COL5A2: variants seen among roughly 807,000 people sequenced by gnomAD.
The protein encoded by COL5A2 is collagen type V alpha 2 chain.
COL5A2 carries 23 observed loss-of-function variants against 208.2 expected under a neutral mutation model. The observed-to-expected ratio is 0.11, with a 90% CI of 0.08 to 0.16. COL5A2 has a LOEUF of 0.16. Among genes scored for constraint, COL5A2 ranks in the 10% least tolerant of loss-of-function variants. The pLI, the probability that COL5A2 is intolerant of heterozygous loss-of-function variation, is 1.00. For missense variants in COL5A2, 1,590 were observed against 1,956.4 expected (o/e 0.81, Z 3.53); for synonymous variants, 625 against 628.5 (o/e 0.99, Z 0.08).
chr2:189,188,809 A>C (rs970605459), intron 1 of COL5A2, among the ~76,000 whole-genome samples: 7 of 152,234 alleles, frequency 4.6e-5, no homozygotes, highest in Admixed American at 4.6e-4. Flanking sequence ...GTTGACAATT[A>C]TGTGGCGACC....
chr2:189,413,931 A>G, the COL5A2 span, among the ~76,000 whole-genome samples: 1 of 151,514 alleles, frequency 6.6e-6, no homozygotes, highest in African/African-American at 2.4e-5. Flanking sequence ...AGCTGGGATT[A>G]CAGGCGCCCG....
upstream of COL5A2, among the ~76,000 whole-genome samples, chr2:189,180,764 A>G (rs920389745): frequency 2.6e-5 from 4 of 152,204 alleles, no homozygotes; most frequent in African/African-American, 9.7e-5. Context: ...AGGGAATATG[A>G]TAGCCCCAGT....
chr2:189,134,035 A>T (rs72908382), intron 1 of COL5A2, among the ~76,000 whole-genome samples: 22,716 of 151,978 alleles, frequency 0.15, 2,039 homozygotes, highest in Non-Finnish European at 0.2. Flanking sequence ...AAAGAAAAAA[A>T]TACTAAAAAT....
chr2:189,362,947 T>C, the COL5A2 span, among the ~76,000 whole-genome samples: 1 of 152,108 alleles, frequency 6.6e-6, no homozygotes, highest in Non-Finnish European at 1.5e-5. Flanking sequence ...TTGGATCAGC[T>C]ATATGCTAGT....
the COL5A2 span, among the ~76,000 whole-genome samples, chr2:189,301,296 C>A: frequency 2.6e-5 from 4 of 152,056 alleles, no homozygotes; most frequent in African/African-American, 4.8e-5. Flanking sequence ...TACACTGGAA[C>A]AACAATATGC....
At chr2:189,144,100 G>A (rs773280108) in intron 1 of COL5A2, among the ~76,000 whole-genome samples, 6 of 152,136 alleles carry the variant, frequency 3.9e-5, no homozygotes, top group African/African-American at 7.2e-5. Context: ...GGCAAGGGGT[G>A]TGGACATTCA....
chr2:189,355,639 T>C, the COL5A2 span, among the ~76,000 whole-genome samples: 1 of 152,214 alleles, frequency 6.6e-6, no homozygotes, highest in Non-Finnish European at 1.5e-5. Flanking sequence ...TTGTTAAATA[T>C]TCCTCCTTCC....
chr2:189,355,536 C>T, the COL5A2 span, among the ~76,000 whole-genome samples: 1 of 151,966 alleles, frequency 6.6e-6, no homozygotes. Context: ...TTATGTAATG[C>T]CCTTCTTTGT....
the COL5A2 span, among the ~76,000 whole-genome samples, chr2:189,289,415 C>T: frequency 6.6e-6 from 1 of 151,952 alleles, no homozygotes; most frequent in African/African-American, 2.4e-5. Context: ...ATGACAGGCT[C>T]ACTTCTAACA....
At chr2:189,241,354 T>A in the COL5A2 span, among the ~76,000 whole-genome samples, 1 of 152,206 alleles carries the variant, frequency 6.6e-6, no homozygotes, top group Non-Finnish European at 1.5e-5. Flanking sequence ...ACTGCACTTG[T>A]ACCCCCAGGA....
chr2:189,246,202 T>A, the COL5A2 span, among the ~76,000 whole-genome samples: 1 of 152,182 alleles, frequency 6.6e-6, no homozygotes. Flanking sequence ...CACCCAGAAT[T>A]ACAATCCAGA....
chr2:189,091,468 C>T (rs1686783153), intron 7 of COL5A2, among the ~76,000 whole-genome samples: 1 of 152,086 alleles, frequency 6.6e-6, no homozygotes, highest in Non-Finnish European at 1.5e-5. Flanking sequence ...TATTAGTCAG[C>T]AACTATCAGC....
At chr2:189,055,609 G>C (rs2105570921) in intron 35 of COL5A2, among the ~76,000 whole-genome samples, 1 of 152,246 alleles carries the variant, frequency 6.6e-6, no homozygotes. Context: ...TAAAGGATTT[G>C]ATGAAATATA....
At chr2:189,249,585 T>TA in the COL5A2 span, among the ~76,000 whole-genome samples, 1 of 152,228 alleles carries the variant, frequency 6.6e-6, no homozygotes, top group South Asian at 2.1e-4. Context: ...CTTGATTGAG[T>TA]AATCCTGCTT....
chr2:189,167,161 C>T (rs1486550424), intron 1 of COL5A2, among the ~76,000 whole-genome samples: 1 of 152,180 alleles, frequency 6.6e-6, no homozygotes. Flanking sequence ...TGCTCTTACT[C>T]CTAGGACTTT....
At chr2:189,399,911 G>C in the COL5A2 span, among the ~76,000 whole-genome samples, 1 of 152,020 alleles carries the variant, frequency 6.6e-6, no homozygotes, top group South Asian at 2.1e-4. Flanking sequence ...ATGTTGCCCA[G>C]GCTATTCCCA....
chr2:189,312,960 G>A, the COL5A2 span, among the ~76,000 whole-genome samples: 1 of 152,018 alleles, frequency 6.6e-6, no homozygotes, highest in Non-Finnish European at 1.5e-5. Context: ...GCACAAGAAC[G>A]CTGATAAAAC....
At chr2:189,125,320 G>C (rs563389055) in intron 1 of COL5A2, among the ~76,000 whole-genome samples, 10 of 152,276 alleles carry the variant, frequency 6.6e-5, no homozygotes, top group African/African-American at 2.4e-4. Flanking sequence ...ATGTCCAGCT[G>C]CATTTACCAA....
chr2:189,390,779 A>G, the COL5A2 span, among the ~76,000 whole-genome samples: 1 of 152,224 alleles, frequency 6.6e-6, no homozygotes, highest in Non-Finnish European at 1.5e-5. Flanking sequence ...ACAAGAAAAT[A>G]AAAGATCAAA....
Sources: allele counts gnomAD v4.1 joint callset (sites outside exome capture counted in the v4.1 genomes callset), GRCh38; gene constraint gnomAD v4.1.1; transcripts MANE v1.5; gene names NCBI Gene and HGNC (gene_info 2026-07-23, HGNC 2026-07-21).